RAPGEF6: variants seen among roughly 807,000 people sequenced by gnomAD.
RAPGEF6 encodes the protein PDZ domain containing guanine nucleotide exchange factor (GEF) 2.
RAPGEF6 carries 56 observed loss-of-function variants against 171.4 expected under a neutral mutation model. The ratio of observed to expected loss-of-function variants is 0.33; its 90% CI spans 0.26 to 0.41. RAPGEF6 has a LOEUF of 0.41. Among genes scored for constraint, RAPGEF6 ranks in the 10% least tolerant of loss-of-function variants. The probability of loss-of-function intolerance (pLI) is 1.00; values close to 1 mark genes in which losing one functional copy is unlikely to be tolerated. For missense variants in RAPGEF6, 1,674 were observed against 1,921.4 expected, an observed-to-expected ratio of 0.87 and a Z score of 2.41; for synonymous variants, 692 against 650.1, an observed-to-expected ratio of 1.06 and a Z score of -0.98.
At chr5:131,607,047 G>C (rs745351325) in intron 1 of RAPGEF6, among the ~76,000 whole-genome samples, 32 of 152,230 alleles carry the variant, frequency 2.1e-4, no homozygotes, top group South Asian at 6.2e-4. Context: ...CCTAATAATG[G>C]TCATTCCCCA....
intron 6 of RAPGEF6, among the ~76,000 whole-genome samples, chr5:131,545,742 C>A (rs1760481396): frequency 6.6e-6 from 1 of 152,128 alleles, no homozygotes; most frequent in African/African-American, 2.4e-5. Flanking sequence ...AAAATAACTC[C>A]ATTAATTCAA....
At chr5:131,453,020 C>A (rs374378035) in intron 21 of RAPGEF6, 34 bp downstream of exon 21, 1 of 1,580,058 alleles carries the variant, frequency 6.3e-7, no homozygotes, top group South Asian at 1.2e-5. Flanking sequence ...CCCTTGATAC[C>A]ACTCTAACAC....
At chr5:131,551,422 G>T (rs973100271) in intron 5 of RAPGEF6, among the ~76,000 whole-genome samples, 2 of 149,458 alleles carry the variant, frequency 1.3e-5, no homozygotes, top group African/African-American at 5.0e-5. Flanking sequence ...TGAGGCAGAA[G>T]AACTACTTCA....
intron 19 of RAPGEF6, 35 bp downstream of exon 19, chr5:131,461,670 C>T (rs372727176): frequency 1.3e-5 from 20 of 1,539,752 alleles, no homozygotes; most frequent in Non-Finnish European, 1.8e-5. Flanking sequence ...ATGACAAAAC[C>T]ATACAGACAT....
At chr5:131,619,192 T>G (rs1765458429) in intron 1 of RAPGEF6, among the ~76,000 whole-genome samples, 1 of 152,146 alleles carries the variant, frequency 6.6e-6, no homozygotes, top group Non-Finnish European at 1.5e-5. Flanking sequence ...TTACTAATCA[T>G]TCTCAGCAAA....
chr5:131,588,725 A>T (rs757623977), intron 4 of RAPGEF6, among the ~76,000 whole-genome samples: 1 of 152,042 alleles, frequency 6.6e-6, no homozygotes, highest in Admixed American at 6.6e-5. Flanking sequence ...CCTTGGCAAC[A>T]GAGTGAGACT....
chr5:131,474,978 G>A (rs1755002393), intron 16 of RAPGEF6, among the ~76,000 whole-genome samples: 1 of 152,198 alleles, frequency 6.6e-6, no homozygotes, highest in East Asian at 1.9e-4. Flanking sequence ...TGCATCAACT[G>A]CAGCAAGCTG....
intron 4 of RAPGEF6, among the ~76,000 whole-genome samples, chr5:131,571,966 T>G (rs192814986): frequency 6.6e-6 from 1 of 152,234 alleles, no homozygotes; most frequent in Admixed American, 6.5e-5. Context: ...GAATGTACTT[T>G]GTAATATCCA....
At chr5:131,578,395 A>AC (rs1184980823) in intron 4 of RAPGEF6, among the ~76,000 whole-genome samples, 1 of 151,852 alleles carries the variant, frequency 6.6e-6, no homozygotes, top group Admixed American at 6.6e-5. Context: ...TGACTGGGCT[A>AC]CCTCTCTTGT....
intron 5 of RAPGEF6, among the ~76,000 whole-genome samples, chr5:131,559,328 CAAAATGAAAATAAAAATA>C (rs973607347): frequency 1.3e-5 from 2 of 151,846 alleles, no homozygotes; most frequent in Admixed American, 1.3e-4. Flanking sequence ...AACTCCATCA[CAAAATGAAAATAAAAATA>C]AAAATAAAAA....
intron 15 of RAPGEF6, among the ~76,000 whole-genome samples, chr5:131,481,604 G>A (rs1755488830): frequency 6.6e-6 from 1 of 152,148 alleles, no homozygotes; most frequent in Non-Finnish European, 1.5e-5. Flanking sequence ...AGGTACATTT[G>A]GGAAATTACC....
chr5:131,458,233 G>A (rs551744183), intron 19 of RAPGEF6, among the ~76,000 whole-genome samples: 2 of 152,300 alleles, frequency 1.3e-5, no homozygotes, highest in East Asian at 3.9e-4. Context: ...GGAGGTGACT[G>A]GGTCATGGAG....
In RAPGEF6 at chr5:131,429,010, G is replaced by A. The variant is rs1230895130; in HGVS notation, c.4672C>T (p.Leu1558Phe). 5 of 1,614,060 alleles carry A rather than the reference G, an allele frequency of 3.1e-6. No individual in the cohort carries two copies. Among genetic ancestry groups the A allele is most frequent in the Non-Finnish European group, 8.5e-7 (1 of 1,180,026 alleles). The part of the protein sequence containing the change: ...RLPPASLSSN[L>F]VACVPSKIVT... ...ATCTTCGATGGAACACAGGCCACGA[G>A]GTTGCTACTGAGAGAAGCTGGTGGC... Residue 1558 changes from leucine to phenylalanine, a missense_variant, in exon 27 of 28, where the codon CTC becomes TTC. Around this residue, in one of 3 missense-constraint regions of RAPGEF6, gnomAD observed 552 missense variants for 574.2 expected, o/e 0.96. Transcript: ENST00000509018.
intron 3 of RAPGEF6, among the ~76,000 whole-genome samples, chr5:131,593,263 G>A (rs1261940380): frequency 2.6e-5 from 4 of 152,154 alleles, no homozygotes; most frequent in African/African-American, 9.7e-5. Flanking sequence ...CAAGCCACAA[G>A]GATGTCATAA....
rs1178131079 is a variant in RAPGEF6 at position 131,464,160 on chromosome 5, G to A, written c.2361C>T (p.Thr787=). 14 of 1,613,824 alleles carry A rather than the reference G, an allele frequency of 8.7e-6. No homozygotes were observed. The highest frequency in any genetic ancestry group is 4.0e-5 in the African/African-American group (3 of 74,896). The change falls in exon 18 of 28, where the codon ACC becomes ACT. Residue 787 remains threonine (T), a synonymous_variant. Transcript: ENST00000509018. The part of the protein sequence containing the change: ...VFHAVHEFGL[T]GASDTYSLCE... ...AGAGAGAATATGTGTCGGATGCACC[G>A]GTCAAACCAAATTCATGAACAGCAT...
chr5:131,633,112 T>A (rs1357695723), intron 1 of RAPGEF6, among the ~76,000 whole-genome samples: 1 of 152,026 alleles, frequency 6.6e-6, no homozygotes. Context: ...GGCGAGCGGA[T>A]CATGATGTCA....
intron 3 of RAPGEF6, 87 bp from the exon 4 acceptor site, chr5:131,592,553 T>A: frequency 6.7e-7 from 1 of 1,497,530 alleles, no homozygotes. Context: ...ATTCTGATAA[T>A]AGTACAAATA....
chr5:131,458,157 TTC>T (rs1375417865), intron 19 of RAPGEF6, among the ~76,000 whole-genome samples: 2 of 152,210 alleles, frequency 1.3e-5, no homozygotes, highest in East Asian at 3.8e-4. Flanking sequence ...TATGGTTTGG[TTC>T]TGTGTCCCCA....
intron 4 of RAPGEF6, among the ~76,000 whole-genome samples, chr5:131,585,802 G>T (rs542352354): frequency 2.4e-4 from 36 of 152,256 alleles, no homozygotes; most frequent in African/African-American, 7.2e-4. Context: ...CCCCAGCCTG[G>T]GCGGCAAGAG....
Sources: gnomAD v4.1 joint callset for allele counts (sites outside exome capture counted in the v4.1 genomes callset) on GRCh38, gnomAD v4.1.1 for gene constraint, gnomAD v4.1.1 regional missense constraint, MANE v1.5 for transcripts, NCBI Gene and HGNC (gene_info 2026-07-23, HGNC 2026-07-21) for gene names.